Variants in ABCB11 observed in about 807,000 individuals in gnomAD.
ABCB11 encodes the protein bile salt export pump.
ABCB11 carries 95 observed loss-of-function variants against 148.0 expected under a neutral mutation model. That is an observed-to-expected ratio of 0.64 (90% CI 0.54 to 0.76). The LOEUF is 0.76. Among genes scored for constraint, ABCB11 ranks in the 30% least tolerant of loss-of-function variants. The pLI is 0.00. For synonymous variants in ABCB11, 591 were observed against 555.4 expected (o/e 1.06, Z -0.90); for missense variants, 1,523 against 1,617.8 (o/e 0.94, Z 1.01).
rs373585635 is a variant in ABCB11, at chr2:168,932,358, A to G, written c.3213+19T>C. ...TGAACTCATCCTTTTTTATGGCTGC[A>G]TAGTATTCCAACACTTACCCATTTT... On this transcript the variant is annotated intron_variant, in intron 24 of 27. Coordinates refer to ENST00000650372, the MANE Select transcript of ABCB11 (RefSeq NM_003742.4). 3.9e-6 allele frequency: 6 copies of G among 1,546,988 alleles called. No individual in the cohort carries two copies. The African/African-American group carries it at 4.1e-5, about 11-fold the overall frequency.
At chr2:168,985,425 T>C (rs1164002347) in intron 10 of ABCB11, among the ~76,000 whole-genome samples, 2 of 152,130 alleles carry the variant, frequency 1.3e-5, no homozygotes, top group Non-Finnish European at 1.5e-5. Context: ...GAAGTCGTTA[T>C]ACAAAAGAGA....
intron 25 of ABCB11, 121 bp from the exon 26 acceptor site, chr2:168,927,483 A>T (rs996563866): frequency 5.2e-6 from 4 of 770,834 alleles, no homozygotes; most frequent in African/African-American, 3.5e-5. Context: ...TAACAATCCC[A>T]AGGCTAAAAT....
At chr2:168,998,437 A>T (rs1050637109) in intron 5 of ABCB11, among the ~76,000 whole-genome samples, 1 of 152,096 alleles carries the variant, frequency 6.6e-6, no homozygotes, top group Non-Finnish European at 1.5e-5. Context: ...AAGAGCTAGA[A>T]GAGAGGATTT....
chr2:168,956,285 T>C (rs1692787582), intron 19 of ABCB11, among the ~76,000 whole-genome samples: 1 of 151,554 alleles, frequency 6.6e-6, no homozygotes, highest in Non-Finnish European at 1.5e-5. Flanking sequence ...CTTCAACATG[T>C]GGGGATTACA....
intron 10 of ABCB11, among the ~76,000 whole-genome samples, chr2:168,981,754 ATT>A (rs1353619481): frequency 6.6e-6 from 1 of 152,110 alleles, no homozygotes; most frequent in Non-Finnish European, 1.5e-5. Context: ...CCAAATAAAT[ATT>A]TTAGGCTTTT....
chr2:168,982,799 A>AAG (rs1212469740), intron 10 of ABCB11, among the ~76,000 whole-genome samples: 3 of 151,418 alleles, frequency 2.0e-5, no homozygotes, highest in Admixed American at 6.6e-5. Context: ...AGAGAGAGAG[A>AAG]AGAGAGAGAG....
rs72549398 is a variant in ABCB11, at chr2:168,932,442, G to A, written c.3148C>T (p.Arg1050Cys). 10 of 1,609,170 alleles carry A rather than the reference G, an allele frequency of 6.2e-6. No homozygotes were observed. Among genetic ancestry groups the A allele is most frequent in the East Asian group, 4.5e-5 (2 of 44,796 alleles). ...TGTCGGTCCAGCAGTTGAAAAAAGC[G>A]TGCAGCTGATATTTTAGCTTTTGCA... ...SYAKAKISAA[R>C]FFQLLDRQPP... Residue 1050 changes from arginine (R) to cysteine (C), a missense_variant, in exon 24 of 28, where the codon CGC (arginine) becomes TGC (cysteine). Transcript: ENST00000650372.
chr2:168,943,072 C>A (rs1241456933), intron 21 of ABCB11, among the ~76,000 whole-genome samples: 1 of 151,668 alleles, frequency 6.6e-6, no homozygotes. Context: ...TGAGAAAATC[C>A]TCTTTTTAAA....
chr2:168,927,339 T>C lies in ABCB11; in HGVS notation c.3435A>G (p.Lys1145=), dbSNP rs11568366. Residue 1145 remains lysine, a synonymous_variant, in exon 26 of 28, where the codon AAA becomes AAG. Coordinates refer to ENST00000650372, the MANE Select transcript of ABCB11 (RefSeq NM_003742.4). ...AGCGGAGGAACTGGACATTTACTTT[T>C]TTGCTGTCATGACCATCTATCATCT... is the stretch of plus-strand genomic sequence containing the variant. ...GKVMIDGHDS[K]KVNVQFLRSN... The C allele has an allele frequency of 1.5e-4, 236 of 1,613,808 alleles. No homozygotes were observed. In the African/African-American group the frequency reaches 3.0e-3, roughly 21 times the overall value.
chr2:168,990,289 A>G (rs982313268), intron 9 of ABCB11, among the ~76,000 whole-genome samples: 9 of 152,050 alleles, frequency 5.9e-5, no homozygotes, highest in African/African-American at 2.2e-4. Context: ...CTTACTCATT[A>G]TTGGTATGTT....
intron 25 of ABCB11, among the ~76,000 whole-genome samples, chr2:168,928,404 C>T (rs548496284): frequency 2.0e-5 from 3 of 152,082 alleles, no homozygotes; most frequent in African/African-American, 7.2e-5. Flanking sequence ...TCATAGGTAT[C>T]CAAATAAATG....
At chr2:168,925,797 C>T (rs935192334) in intron 26 of ABCB11, among the ~76,000 whole-genome samples, 3 of 152,170 alleles carry the variant, frequency 2.0e-5, no homozygotes, top group Non-Finnish European at 4.4e-5. Flanking sequence ...GAGAAGGGTG[C>T]CACGGGCAAG....
intron 23 of ABCB11, among the ~76,000 whole-genome samples, chr2:168,934,706 T>A (rs1691737667): frequency 6.6e-6 from 1 of 152,204 alleles, no homozygotes; most frequent in Admixed American, 6.5e-5. Context: ...TAAACAACGA[T>A]CATATTAATT....
At chr2:168,954,957 T>C (rs1426634080) in intron 19 of ABCB11, among the ~76,000 whole-genome samples, 1 of 151,748 alleles carries the variant, frequency 6.6e-6, no homozygotes, top group Non-Finnish European at 1.5e-5. Flanking sequence ...CTTTTTTCCT[T>C]ATTTTTGTCT....
At chr2:169,014,419 G>A in intron 3 of ABCB11, 65 bp from the exon 4 acceptor site, 2 of 1,484,384 alleles carry the variant, frequency 1.3e-6, no homozygotes, top group Admixed American at 1.8e-5. Context: ...TTCTCCCTAG[G>A]TGGTGATTTT....
chr2:168,938,562 T>A (rs1238651780), intron 21 of ABCB11, among the ~76,000 whole-genome samples: 1 of 152,126 alleles, frequency 6.6e-6, no homozygotes, highest in African/African-American at 2.4e-5. Context: ...GGTACAGAAT[T>A]TCTCTTTGGA....
chr2:168,923,819 C>A lies in ABCB11; in HGVS notation c.3769G>T (p.Val1257Leu). The change falls in exon 28 of 28, where the codon GTG becomes TTG. Residue 1257 changes from valine (V) to leucine (L), a missense_variant. Transcript: ENST00000650372. ...CTGGCTTTGTCTAGAGCAACCTGCA[C>A]CGTCTGCAAAGAGAAGATGGAAAGT... ...SALDTESEKT[V>L]QVALDKAREG... 2 of 1,613,840 alleles carry A rather than the reference C, an allele frequency of 1.2e-6. No homozygotes were observed. The highest frequency in any genetic ancestry group is 1.7e-6 in the Non-Finnish European group (2 of 1,179,824).
intron 19 of ABCB11, among the ~76,000 whole-genome samples, chr2:168,945,742 G>A (rs853787): frequency 6.6e-6 from 1 of 151,688 alleles, no homozygotes; most frequent in Admixed American, 6.6e-5. Flanking sequence ...TATTTTGACC[G>A]ATATCTTTCT....
intron 9 of ABCB11, among the ~76,000 whole-genome samples, chr2:168,987,792 A>G (rs1218967219): frequency 6.6e-6 from 1 of 152,230 alleles, no homozygotes; most frequent in Non-Finnish European, 1.5e-5. Context: ...GTACCTGAAT[A>G]AAGTGTGTTT....
Sources: allele counts gnomAD v4.1 joint callset (sites outside exome capture counted in the v4.1 genomes callset), GRCh38; gene constraint gnomAD v4.1.1; transcripts MANE v1.5; gene names NCBI Gene and HGNC (gene_info 2026-07-23, HGNC 2026-07-21).